UNC5D: variants seen among roughly 807,000 people sequenced by gnomAD.
UNC5D encodes the protein unc-5 netrin receptor D.
A neutral mutation model predicts 105.4 loss-of-function variants in UNC5D; 39 were observed. That is an observed-to-expected ratio of 0.37 (90% CI 0.29 to 0.48). The LOEUF is 0.48. Ranked by LOEUF, UNC5D falls within the 20% of genes least tolerant of loss-of-function variation. The pLI is 0.98. For synonymous variants in UNC5D, 452 were observed against 450.4 expected (o/e 1.00, Z -0.04); for missense variants, 991 against 1,202.4 (o/e 0.82, Z 2.60).
At chr8:35,753,383 C>T (rs1052435851) in intron 13 of UNC5D, among the ~76,000 whole-genome samples, 2 of 152,120 alleles carry the variant, frequency 1.3e-5, no homozygotes, top group Non-Finnish European at 2.9e-5. Context: ...ATTTTCCTGC[C>T]TCAGCCTCCT....
chr8:35,788,494 T>C (rs1201006314), intron 16 of UNC5D, among the ~76,000 whole-genome samples: 1 of 152,208 alleles, frequency 6.6e-6, no homozygotes, highest in Non-Finnish European at 1.5e-5. Flanking sequence ...GAAAAGTTAC[T>C]GTCCTAAAGC....
intron 10 of UNC5D, among the ~76,000 whole-genome samples, chr8:35,729,423 G>A (rs1829070250): frequency 6.6e-6 from 1 of 152,144 alleles, no homozygotes; most frequent in African/African-American, 2.4e-5. Flanking sequence ...TGTGATAAGT[G>A]TAATTGATTT....
At chr8:35,503,885 C>A (rs1812132815) in intron 1 of UNC5D, among the ~76,000 whole-genome samples, 1 of 152,174 alleles carries the variant, frequency 6.6e-6, no homozygotes, top group Admixed American at 6.5e-5. Context: ...ACCTGCTCAA[C>A]ATGCTAGCTG....
At chr8:35,715,236 A>T (rs1374761997) in intron 8 of UNC5D, among the ~76,000 whole-genome samples, 1 of 152,196 alleles carries the variant, frequency 6.6e-6, no homozygotes, top group Non-Finnish European at 1.5e-5. Flanking sequence ...TTCTTAAAGG[A>T]AAGTATAGGA....
At chr8:35,351,959 G>A (rs1433659316) in intron 1 of UNC5D, among the ~76,000 whole-genome samples, 18 of 152,024 alleles carry the variant, frequency 1.2e-4, no homozygotes. Context: ...CAATTTATCA[G>A]TAAACAGCAA....
At position 35,287,531 on chromosome 8, in the gene UNC5D, G is replaced by A. The variant is rs1030915540; in HGVS notation, c.103+51644G>A. Among the ~76,000 whole-genome samples, 9 of 141,538 alleles carry A rather than the reference G, an allele frequency of 6.4e-5. No individual in the cohort carries two copies. In the South Asian group the frequency reaches 9.8e-4, roughly 15 times the overall value. The allele number at this position is 141,538 out of a possible 152,430, so 92.9% of individuals were successfully genotyped here. On this transcript the variant is annotated intron_variant, in intron 1 of 16. Transcript: ENST00000404895. ...CAAAGAAGACTGGATATGGTGGCAC[G>A]TGCCTGAAATCCCAGTACTTTGGGG...
At chr8:35,502,368 GT>G (rs1280425463) in intron 1 of UNC5D, among the ~76,000 whole-genome samples, 1 of 152,170 alleles carries the variant, frequency 6.6e-6, no homozygotes, top group Non-Finnish European at 1.5e-5. Flanking sequence ...ACACATGCGT[GT>G]GGCAGGATCA....
chr8:35,408,930 C>T (rs527977321), intron 1 of UNC5D, among the ~76,000 whole-genome samples: 3 of 152,128 alleles, frequency 2.0e-5, no homozygotes, highest in Admixed American at 1.3e-4. Flanking sequence ...AAATCTCCCT[C>T]GTGATTTGGA....
At chr8:35,675,756 A>C (rs1015859879) in intron 4 of UNC5D, among the ~76,000 whole-genome samples, 6 of 152,008 alleles carry the variant, frequency 3.9e-5, no homozygotes, top group African/African-American at 1.4e-4. Context: ...TTTCTAGACT[A>C]GTCTTTGGGT....
At chr8:35,777,187 G>A (rs1802288879) in intron 16 of UNC5D, among the ~76,000 whole-genome samples, 1 of 152,224 alleles carries the variant, frequency 6.6e-6, no homozygotes, top group South Asian at 2.1e-4. Context: ...CCAGGAGGCA[G>A]AGGTTGCAGT....
chr8:35,772,017 T>C (rs2131731245), intron 15 of UNC5D, among the ~76,000 whole-genome samples: 1 of 151,556 alleles, frequency 6.6e-6, no homozygotes, highest in East Asian at 1.9e-4. Flanking sequence ...CAAAGTGAGG[T>C]CTTTCTGCTT....
At chr8:35,241,157 C>A (rs1802780279) in intron 1 of UNC5D, among the ~76,000 whole-genome samples, 1 of 152,202 alleles carries the variant, frequency 6.6e-6, no homozygotes, top group Non-Finnish European at 1.5e-5. Flanking sequence ...TCTTGTGAGG[C>A]AGATGGCTAG....
At chr8:35,622,125 T>A (rs998074764) in intron 4 of UNC5D, among the ~76,000 whole-genome samples, 7 of 152,028 alleles carry the variant, frequency 4.6e-5, no homozygotes, top group Non-Finnish European at 8.8e-5. Flanking sequence ...GGGTAGATCA[T>A]GAAGTCAAGA....
intron 1 of UNC5D, among the ~76,000 whole-genome samples, chr8:35,381,043 A>G (rs201576455): frequency 1.3e-5 from 2 of 151,558 alleles, no homozygotes; most frequent in East Asian, 3.9e-4. Flanking sequence ...GAGAGAGAGA[A>G]AGAGAGAGAG....
chr8:35,305,216 G>A (rs1231353521), intron 1 of UNC5D, among the ~76,000 whole-genome samples: 1 of 152,122 alleles, frequency 6.6e-6, no homozygotes, highest in Non-Finnish European at 1.5e-5. Flanking sequence ...ATAGACGTAA[G>A]TGACAAGACA....
chr8:35,306,660 T>A (rs781484519), intron 1 of UNC5D, among the ~76,000 whole-genome samples: 1 of 152,148 alleles, frequency 6.6e-6, no homozygotes, highest in Non-Finnish European at 1.5e-5. Flanking sequence ...TAGATTTACA[T>A]TGGGAATTAG....
chr8:35,786,259 G>A (rs1315377837), intron 16 of UNC5D, among the ~76,000 whole-genome samples: 1 of 152,158 alleles, frequency 6.6e-6, no homozygotes. Context: ...GATTTATGTT[G>A]TGCTGAATGT....
intron 1 of UNC5D, among the ~76,000 whole-genome samples, chr8:35,439,397 G>A (rs1563419507): frequency 6.6e-6 from 1 of 152,030 alleles, no homozygotes; most frequent in Admixed American, 6.6e-5. Context: ...TTGTTGGCCA[G>A]TTGGGGGCAA....
chr8:35,352,859 C>T (rs1215796877), intron 1 of UNC5D, among the ~76,000 whole-genome samples: 2 of 152,088 alleles, frequency 1.3e-5, no homozygotes, highest in African/African-American at 4.8e-5. Flanking sequence ...GTGATCCACC[C>T]GCCTCGTCCT....
Sources: allele counts gnomAD v4.1 joint callset (sites outside exome capture counted in the v4.1 genomes callset), GRCh38; gene constraint gnomAD v4.1.1; transcripts MANE v1.5; gene names NCBI Gene and HGNC (gene_info 2026-07-23, HGNC 2026-07-21).